The following GRID2 variants were observed in gnomAD, a reference collection of about 807,000 sequenced individuals.
GRID2 encodes the protein glutamate receptor ionotropic, delta-2.
Under a neutral mutation model 114.8 loss-of-function variants are expected in GRID2, and 33 were observed. That is an observed-to-expected ratio of 0.29 (90% CI 0.22 to 0.38). The LOEUF (loss-of-function observed/expected upper bound fraction) is 0.38, where lower values mean the gene tolerates loss of function less well. GRID2 is among the 10% of genes least tolerant of loss of function. GRID2 has a pLI of 1.00. For missense variants in GRID2, 1,184 were observed against 1,257.7 expected, an observed-to-expected ratio of 0.94 and a Z score of 0.89; for synonymous variants, 505 against 449.9, an observed-to-expected ratio of 1.12 and a Z score of -1.55.
chr4:92,985,625 A>T (rs1754473939), intron 2 of GRID2, among the ~76,000 whole-genome samples: 1 of 152,134 alleles, frequency 6.6e-6, no homozygotes, highest in Non-Finnish European at 1.5e-5. Context: ...CAAAAAAATG[A>T]TTTACTGCAT....
intron 4 of GRID2, among the ~76,000 whole-genome samples, chr4:93,150,320 T>A (rs1456160971): frequency 1.3e-5 from 2 of 152,154 alleles, no homozygotes; most frequent in African/African-American, 4.8e-5. Context: ...AACCATTATA[T>A]CTATTATATA....
At chr4:93,721,692 A>G (rs1232659791) in intron 14 of GRID2, among the ~76,000 whole-genome samples, 6 of 152,114 alleles carry the variant, frequency 3.9e-5, no homozygotes, top group Non-Finnish European at 1.5e-5. Context: ...AATGCAATAA[A>G]AGTTAGTTGC....
intron 1 of GRID2, among the ~76,000 whole-genome samples, chr4:92,475,084 C>T (rs1270261791): frequency 1.3e-5 from 2 of 148,514 alleles, no homozygotes; most frequent in African/African-American, 4.9e-5. Flanking sequence ...CTAACTGGCA[C>T]ATTGTGCATA....
chr4:93,059,903 A>G (rs950175973), intron 2 of GRID2, among the ~76,000 whole-genome samples: 3 of 152,030 alleles, frequency 2.0e-5, no homozygotes, highest in African/African-American at 7.2e-5. Context: ...CCTGATACCA[A>G]TTATATTGAT....
intron 2 of GRID2, among the ~76,000 whole-genome samples, chr4:93,073,928 C>T (rs191117604): frequency 6.6e-5 from 10 of 152,230 alleles, no homozygotes; most frequent in East Asian, 1.9e-4. Context: ...ACCAGGTCCG[C>T]GATAACCTTG....
chr4:93,739,279 T>C (rs1340836471), intron 14 of GRID2, among the ~76,000 whole-genome samples: 3 of 152,134 alleles, frequency 2.0e-5, no homozygotes, highest in Non-Finnish European at 4.4e-5. Context: ...TTTATAGTCT[T>C]CTAGAAGCTG....
chr4:92,704,921 C>T (rs1734886095), intron 2 of GRID2, among the ~76,000 whole-genome samples: 1 of 152,004 alleles, frequency 6.6e-6, no homozygotes, highest in Admixed American at 6.6e-5. Flanking sequence ...TAAGTGTCAC[C>T]TATTTCTATA....
intron 14 of GRID2, among the ~76,000 whole-genome samples, chr4:93,656,531 T>C (rs894075121): frequency 2.6e-5 from 4 of 151,976 alleles, no homozygotes; most frequent in Non-Finnish European, 5.9e-5. Flanking sequence ...TAAATACCTA[T>C]ATCAAATAAG....
intron 8 of GRID2, among the ~76,000 whole-genome samples, chr4:93,306,666 T>G (rs1422039973): frequency 6.6e-6 from 1 of 152,146 alleles, no homozygotes; most frequent in Non-Finnish European, 1.5e-5. Flanking sequence ...ATGGGGATTA[T>G]TTACTGTTAT....
intron 7 of GRID2, among the ~76,000 whole-genome samples, chr4:93,230,812 A>G (rs745795533): frequency 6.6e-6 from 1 of 152,136 alleles, no homozygotes; most frequent in Non-Finnish European, 1.5e-5. Context: ...CTCAATTAAT[A>G]TTATATAAAC....
At chr4:92,869,624 G>C (rs1038875607) in intron 2 of GRID2, among the ~76,000 whole-genome samples, 2 of 152,122 alleles carry the variant, frequency 1.3e-5, no homozygotes. Context: ...TATAAAGCCC[G>C]ACATTATCCC....
chr4:93,099,410 G>T (rs1388062647), intron 3 of GRID2, among the ~76,000 whole-genome samples: 1 of 151,606 alleles, frequency 6.6e-6, no homozygotes, highest in Non-Finnish European at 1.5e-5. Flanking sequence ...ATAGTTTCAG[G>T]ATAGCCTTTA....
At chr4:92,618,968 G>C (rs943802091) in intron 2 of GRID2, among the ~76,000 whole-genome samples, 1 of 151,530 alleles carries the variant, frequency 6.6e-6, no homozygotes, top group Non-Finnish European at 1.5e-5. Context: ...CTGAGAGTGG[G>C]GACAATATGG....
intron 1 of GRID2, among the ~76,000 whole-genome samples, chr4:93,801,205 C>G (rs368810035): frequency 2.0e-5 from 3 of 152,040 alleles, no homozygotes; most frequent in East Asian, 3.9e-4. Context: ...ATTAAACAAA[C>G]CAGATAATTA....
chr4:92,308,088 C>T (rs964978889), intron 1 of GRID2, among the ~76,000 whole-genome samples: 6 of 152,272 alleles, frequency 3.9e-5, no homozygotes, highest in East Asian at 3.9e-4. Context: ...AGATTAGCCA[C>T]GCTGACTGCT....
At chr4:92,353,655 T>G (rs192224817) in intron 1 of GRID2, among the ~76,000 whole-genome samples, 1 of 152,098 alleles carries the variant, frequency 6.6e-6, no homozygotes, top group African/African-American at 2.4e-5. Flanking sequence ...CTAAAACAAA[T>G]AAACACACAA....
intron 2 of GRID2, among the ~76,000 whole-genome samples, chr4:92,897,987 A>G (rs1053694238): frequency 6.6e-6 from 1 of 152,200 alleles, no homozygotes; most frequent in African/African-American, 2.4e-5. Flanking sequence ...ATCCAACACT[A>G]CATCTTCTTT....
intron 4 of GRID2, among the ~76,000 whole-genome samples, chr4:93,206,510 C>G (rs1218520413): frequency 1.3e-5 from 2 of 151,690 alleles, no homozygotes; most frequent in African/African-American, 2.4e-5. Context: ...CCATGCCATG[C>G]ATAAATCAGA....
chr4:93,801,922 T>C (rs1734939346), intron 1 of GRID2, among the ~76,000 whole-genome samples: 1 of 152,228 alleles, frequency 6.6e-6, no homozygotes, highest in Admixed American at 6.5e-5. Context: ...GTCCCTACTC[T>C]GCAATTAAAT....
Sources: allele counts gnomAD v4.1 joint callset (sites outside exome capture counted in the v4.1 genomes callset), GRCh38; gene constraint gnomAD v4.1.1; transcripts MANE v1.5; gene names NCBI Gene and HGNC (gene_info 2026-07-23, HGNC 2026-07-21).